The following LYPD6B variants were observed in gnomAD, a reference collection of about 807,000 sequenced individuals.
LYPD6B encodes LY6/PLAUR domain containing 6B.
Under a neutral mutation model 22.8 loss-of-function variants are expected in LYPD6B, and 17 were observed. The observed-to-expected ratio is 0.75, with a 90% CI of 0.51 to 1.12. The LOEUF is 1.12. Among genes scored for constraint, LYPD6B ranks in the 50% most tolerant of loss-of-function variants. LYPD6B has a pLI of 0.00. For missense variants in LYPD6B, 221 were observed against 258.3 expected (o/e 0.86, Z 0.99); for synonymous variants, 106 against 91.6 (o/e 1.16, Z -0.90).
At chr2:149,085,769 T>G (rs531184452) in intron 1 of LYPD6B, among the ~76,000 whole-genome samples, 6 of 152,372 alleles carry the variant, frequency 3.9e-5, no homozygotes, top group African/African-American at 1.4e-4. Flanking sequence ...ATTCTTCTAG[T>G]AACTTGTATG....
rs757025508 is a variant in LYPD6B, at chr2:149,072,403, C to T, written c.-67+33602C>T. Among the ~76,000 whole-genome samples, 4 of 151,052 alleles carry T rather than the reference C, an allele frequency of 2.6e-5. 1 individual carries two copies. The highest frequency in any genetic ancestry group is 2.6e-4 in the Admixed American group (4 of 15,192). On this transcript the variant is annotated intron_variant, in intron 1 of 6. Coordinates refer to ENST00000409642, the MANE Select transcript of LYPD6B (RefSeq NM_177964.5). ...TGGTGAAGAGGATAATAAACAAACA[C>T]GTAAGTAAACATACAGGATGTCAAT...
intron 3 of LYPD6B, among the ~76,000 whole-genome samples, chr2:149,197,685 G>A (rs866920358): frequency 2.6e-5 from 4 of 152,156 alleles, no homozygotes; most frequent in Non-Finnish European, 5.9e-5. Flanking sequence ...GAATCAGTGC[G>A]TCCCATGTCT....
Position 149,214,734 on chromosome 2 carries a change from GA to G in LYPD6B, c.*25del. On this transcript the variant is annotated 3_prime_UTR_variant, in exon 7 of 7. Coordinates refer to ENST00000409642, the MANE Select transcript of LYPD6B (RefSeq NM_177964.5). The stretch of plus-strand genomic sequence containing the variant: ...GATGCCACCATTCCTAGGAGAGGCA[GA>G]GACCAGCCTCTAAAGCACAAGCCAA... The G allele has an allele frequency of 6.2e-7, 1 of 1,613,062 alleles. No homozygotes were observed. Among genetic ancestry groups the G allele is most frequent in the African/African-American group, 1.3e-5 (1 of 75,048 alleles).
chr2:149,212,380 C>CAAAAAAAAAAAAAAAAAAAAAAAA (rs386391473), intron 5 of LYPD6B, among the ~76,000 whole-genome samples: 3 of 60,132 alleles, frequency 5.0e-5, no homozygotes, highest in African/African-American at 7.5e-5. Flanking sequence ...GACTCCGTCT[C>CAAAAAAAAAAAAAAAAAAAAAAAA]AAAAAAAAAA....
intron 2 of LYPD6B, among the ~76,000 whole-genome samples, chr2:149,141,432 T>C (rs1688688523): frequency 6.6e-6 from 1 of 152,194 alleles, no homozygotes; most frequent in South Asian, 2.1e-4. Flanking sequence ...GTTCTGTTAT[T>C]CTGGAAATGT....
chr2:149,203,641 A>G (rs1389475591), intron 3 of LYPD6B, among the ~76,000 whole-genome samples: 5 of 152,260 alleles, frequency 3.3e-5, no homozygotes, highest in Admixed American at 3.3e-4. Context: ...ATCACTAGGT[A>G]TGATTATGTA....
At chr2:149,112,633 T>TTAAATAAC (rs1686815124) in intron 1 of LYPD6B, among the ~76,000 whole-genome samples, 1 of 152,174 alleles carries the variant, frequency 6.6e-6, no homozygotes, top group African/African-American at 2.4e-5. Flanking sequence ...AATACTACCA[T>TTAAATAAC]CATTAATGGT....
chr2:149,160,338 G>C, intron 2 of LYPD6B: 1 of 428,480 alleles, frequency 2.3e-6, no homozygotes, highest in South Asian at 1.7e-5. Flanking sequence ...TCCAAACCAG[G>C]TTAAATGGCA....
chr2:149,149,894 G>C (rs1310895851), intron 2 of LYPD6B, among the ~76,000 whole-genome samples: 5 of 152,116 alleles, frequency 3.3e-5, no homozygotes, highest in African/African-American at 9.7e-5. Context: ...TTCCTTTATT[G>C]TTGTAGCTGT....
At chr2:149,140,386 G>A (rs1323923233) in intron 2 of LYPD6B, among the ~76,000 whole-genome samples, 1 of 152,208 alleles carries the variant, frequency 6.6e-6, no homozygotes, top group Non-Finnish European at 1.5e-5. Flanking sequence ...GCAGGGCGAG[G>A]AGGCTTCCTT....
At chr2:149,185,274 A>G (rs1299359727) in intron 3 of LYPD6B, among the ~76,000 whole-genome samples, 1 of 152,182 alleles carries the variant, frequency 6.6e-6, no homozygotes, top group Non-Finnish European at 1.5e-5. Context: ...ACAATCTCAC[A>G]TTAAGCTGGT....
In LYPD6B at chr2:149,189,971, T is replaced by C. The variant is rs143736001; in HGVS notation, c.78-15282T>C. 4.0e-3 allele frequency among the ~76,000 whole-genome samples: 615 copies of C among 152,350 alleles called. 1 individual carries two copies. The highest frequency in any genetic ancestry group is 0.013 in the African/African-American group (552 of 41,578). On this transcript the variant is annotated intron_variant, in intron 3 of 6. Coordinates refer to ENST00000409642, the MANE Select transcript of LYPD6B (RefSeq NM_177964.5). ...AAACTATAGAGCCAATTGAATTGTT[T>C]TGTTTTAATTTAATTTTTGAATGAG...
At chr2:149,135,719 CAAAAAAAA>C (rs386391471) in intron 2 of LYPD6B, among the ~76,000 whole-genome samples, 1 of 32,228 alleles carries the variant, frequency 3.1e-5, no homozygotes, top group Non-Finnish European at 6.2e-5. Context: ...GACCATGTCT[CAAAAAAAA>C]AAAAAAAAAA....
chr2:149,141,652 G>C (rs921726592), intron 2 of LYPD6B, among the ~76,000 whole-genome samples: 4 of 151,876 alleles, frequency 2.6e-5, no homozygotes, highest in African/African-American at 7.3e-5. Flanking sequence ...GGATTATCAA[G>C]TTTTCTCTTA....
chr2:149,136,809 AG>A (rs1688398156), intron 2 of LYPD6B, among the ~76,000 whole-genome samples: 1 of 152,250 alleles, frequency 6.6e-6, no homozygotes, highest in African/African-American at 2.4e-5. Flanking sequence ...AAATGTTTTT[AG>A]GCAGCTTATT....
chr2:149,189,081 C>T (rs988582233), intron 3 of LYPD6B, among the ~76,000 whole-genome samples: 2 of 151,732 alleles, frequency 1.3e-5, no homozygotes, highest in African/African-American at 4.8e-5. Context: ...CCATTGCCTC[C>T]TTTCCTATTG....
chr2:149,143,542 C>T (rs1347976769), intron 2 of LYPD6B, among the ~76,000 whole-genome samples: 1 of 150,822 alleles, frequency 6.6e-6, no homozygotes, highest in Non-Finnish European at 1.5e-5. Context: ...AATCACACCA[C>T]CATCACCCTA....
intron 1 of LYPD6B, among the ~76,000 whole-genome samples, chr2:149,085,313 G>C (rs1233483271): frequency 1.3e-5 from 2 of 152,178 alleles, no homozygotes; most frequent in African/African-American, 2.4e-5. Flanking sequence ...GTGGCCTGCT[G>C]TTCATCTCTT....
intron 1 of LYPD6B, among the ~76,000 whole-genome samples, chr2:149,098,284 T>C (rs1363106245): frequency 6.6e-6 from 1 of 152,186 alleles, no homozygotes. Context: ...TGTTGAAATC[T>C]GCTTTCTCCA....
Sources: gnomAD v4.1 joint callset for allele counts (sites outside exome capture counted in the v4.1 genomes callset) on GRCh38, gnomAD v4.1.1 for gene constraint, MANE v1.5 for transcripts, NCBI Gene and HGNC (gene_info 2026-07-23, HGNC 2026-07-21) for gene names.